SAMD12: variants seen among roughly 807,000 people sequenced by gnomAD.
The protein encoded by SAMD12 is sterile alpha motif domain-containing protein 12.
In SAMD12, 9 loss-of-function variants were observed where a neutral mutation model predicts 15.0. The observed-to-expected ratio is 0.60, with a 90% CI of 0.36 to 1.05. The LOEUF is 1.05. Among genes scored for constraint, SAMD12 ranks in the 50% least tolerant of loss-of-function variants. The probability of loss-of-function intolerance (pLI) is 0.01; values close to 1 mark genes in which losing one functional copy is unlikely to be tolerated. For missense variants in SAMD12, 230 were observed against 234.2 expected (o/e 0.98, Z 0.12); for synonymous variants, 86 against 90.1 (o/e 0.96, Z 0.25).
chr8:118,369,365 T>C (rs181860532), intron 4 of SAMD12, among the ~76,000 whole-genome samples: 5 of 152,026 alleles, frequency 3.3e-5, no homozygotes, highest in African/African-American at 9.7e-5. Context: ...ATGCAGAAAA[T>C]TGAAACTGGA....
At chr8:118,165,329 G>T in the SAMD12 span, among the ~76,000 whole-genome samples, 1 of 152,056 alleles carries the variant, frequency 6.6e-6, no homozygotes, top group Admixed American at 6.6e-5. Context: ...AGACAGAAGA[G>T]ATGCATTGGG....
At chr8:118,276,830 G>A (rs915090095) in intron 4 of SAMD12, among the ~76,000 whole-genome samples, 3 of 152,002 alleles carry the variant, frequency 2.0e-5, no homozygotes, top group African/African-American at 7.3e-5. Context: ...GTGACAGCAT[G>A]CCTGGCTAAG....
chr8:118,334,138 C>A (rs1321951025), intron 4 of SAMD12, among the ~76,000 whole-genome samples: 1 of 152,146 alleles, frequency 6.6e-6, no homozygotes, highest in Non-Finnish European at 1.5e-5. Flanking sequence ...GCTATTAATA[C>A]TTATGTCATT....
At chr8:118,588,246 TACA>T (rs1302747757) in intron 1 of SAMD12, among the ~76,000 whole-genome samples, 3 of 152,152 alleles carry the variant, frequency 2.0e-5, no homozygotes, top group African/African-American at 7.2e-5. Context: ...GACATAAAAA[TACA>T]ACAACTGTAC....
At chr8:118,169,576 T>C in the SAMD12 span, among the ~76,000 whole-genome samples, 2 of 152,214 alleles carry the variant, frequency 1.3e-5, no homozygotes, top group Non-Finnish European at 2.9e-5. Flanking sequence ...TTTCCAGCCA[T>C]GGTTCAGGAC....
intron 2 of SAMD12, among the ~76,000 whole-genome samples, chr8:118,570,046 T>A (rs947309711): frequency 6.6e-6 from 1 of 152,152 alleles, no homozygotes; most frequent in East Asian, 1.9e-4. Context: ...TCCTTCAAGT[T>A]TGGGCCAGAT....
At chr8:118,173,319 C>G in the SAMD12 span, among the ~76,000 whole-genome samples, 8 of 152,128 alleles carry the variant, frequency 5.3e-5, no homozygotes, top group Admixed American at 5.2e-4. Flanking sequence ...GGCTGACTGT[C>G]TTTATGGAGG....
At chr8:118,600,975 A>C (rs1469054906) in intron 1 of SAMD12, among the ~76,000 whole-genome samples, 1 of 152,208 alleles carries the variant, frequency 6.6e-6, no homozygotes, top group Non-Finnish European at 1.5e-5. Flanking sequence ...AATCACAGAC[A>C]TGCATTATCA....
chr8:118,431,023 C>T (rs1435869832), intron 3 of SAMD12, among the ~76,000 whole-genome samples: 1 of 152,084 alleles, frequency 6.6e-6, no homozygotes, highest in Non-Finnish European at 1.5e-5. Flanking sequence ...TTTATCTTCT[C>T]AACACATTAT....
intron 1 of SAMD12, among the ~76,000 whole-genome samples, chr8:118,607,724 C>T (rs1828018058): frequency 1.3e-5 from 2 of 152,132 alleles, no homozygotes; most frequent in African/African-American, 2.4e-5. Flanking sequence ...GCATCTAGAA[C>T]AGTGCCTATC....
rs548464713 is a variant in SAMD12, at chr8:118,370,977, A to G, written c.433+8583T>C. On this transcript the variant is annotated intron_variant, in intron 4 of 4. Coordinates refer to the SAMD12 transcript ENST00000409003. ...TTTTAAAAAAGAAATGCAGATGGAT[A>G]GGAGAATGATTGGTTCTGCCTGAAA... 2.0e-5 allele frequency among the ~76,000 whole-genome samples: 3 copies of G among 152,286 alleles called. No individual in the cohort carries two copies. In the South Asian group the frequency reaches 6.2e-4, roughly 32 times the overall value.
chr8:118,547,536 C>G (rs1563575703), intron 2 of SAMD12, among the ~76,000 whole-genome samples: 2 of 152,184 alleles, frequency 1.3e-5, no homozygotes, highest in African/African-American at 4.8e-5. Context: ...GCACCTTACA[C>G]AGTACTTAGC....
At chr8:118,274,786 T>C (rs1026079889) in intron 4 of SAMD12, among the ~76,000 whole-genome samples, 4 of 152,280 alleles carry the variant, frequency 2.6e-5, no homozygotes, top group Admixed American at 2.0e-4. Flanking sequence ...CACATAGATA[T>C]GGTCCATTTG....
At chr8:118,255,567 A>T (rs1182929521) in intron 4 of SAMD12, among the ~76,000 whole-genome samples, 1 of 127,028 alleles carries the variant, frequency 7.9e-6, no homozygotes, top group East Asian at 2.4e-4. Flanking sequence ...ATGTGTTCTC[A>T]TTGTTCAATT....
intron 4 of SAMD12, among the ~76,000 whole-genome samples, chr8:118,338,003 T>G (rs927270437): frequency 6.6e-6 from 1 of 152,236 alleles, no homozygotes; most frequent in African/African-American, 2.4e-5. Flanking sequence ...ACCAGGGGTC[T>G]TGGAAGGTAT....
At chr8:118,510,247 C>T (rs966766385) in intron 2 of SAMD12, among the ~76,000 whole-genome samples, 12 of 152,022 alleles carry the variant, frequency 7.9e-5, no homozygotes, top group African/African-American at 2.4e-4. Flanking sequence ...AACACGCACA[C>T]ATGCATGCAC....
intron 1 of SAMD12, among the ~76,000 whole-genome samples, chr8:118,593,692 A>G (rs1181406660): frequency 6.6e-6 from 1 of 152,202 alleles, no homozygotes; most frequent in African/African-American, 2.4e-5. Flanking sequence ...ACCCAATGTT[A>G]AAGTCAATGT....
At chr8:118,417,955 C>A (rs1821786791) in intron 3 of SAMD12, among the ~76,000 whole-genome samples, 1 of 152,038 alleles carries the variant, frequency 6.6e-6, no homozygotes. Flanking sequence ...GCCTTTGAGC[C>A]CCATTTCAGA....
In SAMD12 at chr8:118,366,825, A is replaced by C. The variant is rs187994014; in HGVS notation, c.433+12735T>G. Among the ~76,000 whole-genome samples the C allele has an allele frequency of 5.9e-5, 5 of 84,892 alleles. No homozygotes were observed. The East Asian group carries it at 1.1e-3, about 19-fold the overall frequency. The allele number at this position is 84,892 out of a possible 152,430, so 55.7% of individuals were successfully genotyped here. A position where few individuals can be genotyped will look rare whatever the true frequency, so the allele number is the denominator to read the frequency against. On this transcript the variant is annotated intron_variant, in intron 4 of 4. Transcript: ENST00000409003. ...GAAACTCTGTCTCAAATAAAATAAA[A>C]TAAAATAAAATAAAATAAAATAAAA...
Sources: gnomAD v4.1 joint callset for allele counts (sites outside exome capture counted in the v4.1 genomes callset) on GRCh38, gnomAD v4.1.1 for gene constraint, MANE v1.5 for transcripts, NCBI Gene and HGNC (gene_info 2026-07-23, HGNC 2026-07-21) for gene names.